The following UPP1 variants were observed in gnomAD, a reference collection of about 807,000 sequenced individuals.
UPP1 encodes the protein UPase 1.
A neutral mutation model predicts 29.6 loss-of-function variants in UPP1; 25 were observed. That is an observed-to-expected ratio of 0.85 (90% CI 0.62 to 1.18). The LOEUF (loss-of-function observed/expected upper bound fraction) is 1.18, where lower values mean the gene tolerates loss of function less well. UPP1 is among the 50% of genes most tolerant of loss of function. The pLI is 0.00. For missense variants in UPP1, 368 were observed against 410.4 expected, an observed-to-expected ratio of 0.90 and a Z score of 0.89; for synonymous variants, 165 against 159.8, an observed-to-expected ratio of 1.03 and a Z score of -0.25.
chr7:48,101,159 A>G (rs984528965), intron 4 of UPP1, among the ~76,000 whole-genome samples: 2 of 151,800 alleles, frequency 1.3e-5, no homozygotes, highest in African/African-American at 2.4e-5. Context: ...CTGCCTGCCC[A>G]CTCCCAAAGT....
At chr7:48,095,145 T>G (rs1211909731) in intron 3 of UPP1, among the ~76,000 whole-genome samples, 2 of 152,330 alleles carry the variant, frequency 1.3e-5, no homozygotes, top group African/African-American at 4.8e-5. Context: ...AATCCCCTGC[T>G]TATCACTCAG....
intron 6 of UPP1, among the ~76,000 whole-genome samples, chr7:48,104,407 T>C (rs1487098316): frequency 6.6e-6 from 1 of 152,168 alleles, no homozygotes; most frequent in Non-Finnish European, 1.5e-5. Context: ...TGCTAAAAAC[T>C]GGGTTCTAGT....
At chr7:48,093,161 G>A (rs893200540) in intron 2 of UPP1, among the ~76,000 whole-genome samples, 2 of 152,206 alleles carry the variant, frequency 1.3e-5, no homozygotes, top group African/African-American at 4.8e-5. Flanking sequence ...TGAAAGCCTG[G>A]TGGAGAGATT....
intron 3 of UPP1, among the ~76,000 whole-genome samples, chr7:48,095,894 G>A (rs893663717): frequency 6.6e-6 from 1 of 152,166 alleles, no homozygotes; most frequent in African/African-American, 2.4e-5. Context: ...TGATCCACCC[G>A]CCTCAGTCTC....
intron 6 of UPP1, chr7:48,105,953 A>AG (rs1792707913): frequency 1.3e-5 from 2 of 152,212 alleles, no homozygotes; most frequent in Non-Finnish European, 2.9e-5. Context: ...ACAAAGAATA[A>AG]GGGGCAGAGT....
At chr7:48,103,522 T>G in intron 6 of UPP1, 111 bp downstream of exon 6, 5 of 1,052,666 alleles carry the variant, frequency 4.7e-6, no homozygotes, top group Non-Finnish European at 7.2e-6. Context: ...TTTCTTGGCT[T>G]TGTTCAAGGG....
Position 48,108,509 on chromosome 7 carries a change from C to G in UPP1, c.*152C>G. On this transcript the variant is annotated 3_prime_UTR_variant, in exon 9 of 9. Transcript: ENST00000395564. ...GAGACAGAGAATCTTGGATTAACCG[C>G]ATGGGAGATGTTCTTCCTTTTGAAG... 1.2e-6 allele frequency: 1 copy of G among 856,920 alleles called. No homozygotes were observed. Among genetic ancestry groups the G allele is most frequent in the Non-Finnish European group, 1.7e-6 (1 of 603,838 alleles). The allele number at this position is 856,920 out of a possible 1,614,324, so 53.1% of individuals were successfully genotyped here. A position where few individuals can be genotyped will look rare whatever the true frequency, so the allele number is the denominator to read the frequency against.
chr7:48,088,747 A>T (rs1791647523), upstream of UPP1: 1 of 152,448 alleles, frequency 6.6e-6, no homozygotes, highest in African/African-American at 2.4e-5. Flanking sequence ...TGCCAGCTCC[A>T]CATTCCCGAC....
intron 4 of UPP1, among the ~76,000 whole-genome samples, chr7:48,100,349 G>A (rs1792356143): frequency 6.6e-6 from 1 of 152,198 alleles, no homozygotes; most frequent in Non-Finnish European, 1.5e-5. Context: ...GTTACATGGG[G>A]CATGACTATG....
At chr7:48,107,301 T>G in intron 7 of UPP1, 60 bp from the exon 8 acceptor site, 1 of 1,563,252 alleles carries the variant, frequency 6.4e-7, no homozygotes, top group Non-Finnish European at 8.7e-7. Context: ...TCAGTGGCGC[T>G]GATGTGTTGT....
At chr7:48,108,072 C>T (rs1162547516) in intron 8 of UPP1, 146 bp from the exon 9 acceptor site, 60 of 1,226,110 alleles carry the variant, frequency 4.9e-5, no homozygotes, top group Non-Finnish European at 6.8e-5. Context: ...GCACTCCATC[C>T]TCCGGCCCCG....
chr7:48,090,017 C>T lies in UPP1; in HGVS notation c.-198-171C>T, dbSNP rs933791103. Among the ~76,000 whole-genome samples the T allele has an allele frequency of 4.6e-5, 7 of 152,308 alleles. No homozygotes were observed. In the South Asian group the frequency reaches 1.2e-3, roughly 27 times the overall value. ...TCAGAGTTCAGATGGCGTCAAGTGGCCATCGAGTCAACATTTAACAAAATG... is the reference window on the plus strand; with the variant it reads ...TCAGAGTTCAGATGGCGTCAAGTGGTCATCGAGTCAACATTTAACAAAATG... On this transcript the variant is annotated intron_variant, in intron 1 of 8. Transcript: ENST00000395564.
intron 2 of UPP1, among the ~76,000 whole-genome samples, chr7:48,094,369 C>A (rs573153694): frequency 6.6e-6 from 1 of 152,224 alleles, no homozygotes; most frequent in South Asian, 2.1e-4. Context: ...GCGCCTGCCA[C>A]CACACCTGGC....
chr7:48,101,242 A>AT lies in UPP1; in HGVS notation c.163-572dup, dbSNP rs534043373. Among the ~76,000 whole-genome samples the AT allele has an allele frequency of 1.3e-3, 192 of 151,090 alleles. 1 individual carries two copies. Among genetic ancestry groups the AT allele is most frequent in the African/African-American group, 4.2e-3 (172 of 41,208 alleles). On this transcript the variant is annotated intron_variant, in intron 4 of 8. Transcript: ENST00000395564. ...TTTAAAAACTTACTCACTTAAAAAA[A>AT]TTTTTTTTTTCAAAACCAACATTTT...
Position 48,107,447 on chromosome 7 carries a change from C to T in UPP1, c.733C>T (p.Arg245Cys), listed in dbSNP as rs779152546. The T allele has an allele frequency of 3.5e-5, 56 of 1,614,060 alleles. No individual in the cohort carries two copies. Among genetic ancestry groups the T allele is most frequent in the African/African-American group, 1.1e-4 (8 of 74,938 alleles). ...YLEAAYAAGV[R>C]NIEMESSVFA... The stretch of plus-strand genomic sequence containing the variant: ...GGAGGCAGCCTATGCAGCCGGCGTC[C>T]GCAATATCGAGATGGAGTCCTCGGT... Residue 245 changes from arginine to cysteine, a missense_variant, in exon 8 of 9, where the codon CGC becomes TGC. Physicochemically the swap from Arg to Cys is radical, Grantham distance 180 (BLOSUM62 -3). Coordinates refer to ENST00000395564, the MANE Select transcript of UPP1 (RefSeq NM_003364.4).
chr7:48,103,323 A>G lies in UPP1; in HGVS notation c.348A>G (p.Ser116=), dbSNP rs745306290. Residue 116 remains serine (S), a synonymous_variant, in exon 6 of 9, where the codon TCA becomes TCG. Coordinates refer to ENST00000395564, the MANE Select transcript of UPP1 (RefSeq NM_003364.4). The part of the protein sequence containing the change: ...VSHGMGIPSI[S]IMLHELIKLL... ...ATGGTATGGGCATTCCTTCTATCTCAATCATGTTGCATGAGCTCATAAAGC... is the reference window on the plus strand; with the variant it reads ...ATGGTATGGGCATTCCTTCTATCTCGATCATGTTGCATGAGCTCATAAAGC... 19 of 1,613,448 alleles carry G rather than the reference A, an allele frequency of 1.2e-5. No individual in the cohort carries two copies. The highest frequency in any genetic ancestry group is 1.6e-5 in the Non-Finnish European group (19 of 1,179,614).
At chr7:48,102,582 A>G (rs1792488111) in intron 5 of UPP1, among the ~76,000 whole-genome samples, 1 of 152,196 alleles carries the variant, frequency 6.6e-6, no homozygotes, top group South Asian at 2.1e-4. Context: ...AGAACATATC[A>G]GGGAGCCAAG....
chr7:48,103,506 A>G, intron 6 of UPP1, 95 bp downstream of exon 6: 1 of 1,136,468 alleles, frequency 8.8e-7, no homozygotes, highest in Non-Finnish European at 1.3e-6. Context: ...AGAGACAAAG[A>G]GTTCCTTTCT....
chr7:48,098,231 C>A (rs1389911512), intron 3 of UPP1, among the ~76,000 whole-genome samples: 2 of 152,138 alleles, frequency 1.3e-5, no homozygotes, highest in Non-Finnish European at 2.9e-5. Flanking sequence ...CTCACCTGGG[C>A]CCCACTCTAG....
Sources: allele counts gnomAD v4.1 joint callset (sites outside exome capture counted in the v4.1 genomes callset), GRCh38; gene constraint gnomAD v4.1.1; transcripts MANE v1.5; gene names NCBI Gene and HGNC (gene_info 2026-07-23, HGNC 2026-07-21).